The following FFAR4 variants were observed in gnomAD, a reference collection of about 807,000 sequenced individuals.
FFAR4 encodes free fatty acid receptor 4, also known as G-protein coupled receptor 120.
FFAR4 carries 19 observed loss-of-function variants against 27.0 expected under a neutral mutation model. The observed-to-expected ratio is 0.70, with a 90% confidence interval of 0.49 to 1.03. FFAR4 has a LOEUF of 1.03. Among genes scored for constraint, FFAR4 ranks in the 50% least tolerant of loss-of-function variants. The pLI is 0.00. For synonymous variants in FFAR4, 254 were observed against 215.6 expected (o/e 1.18, Z -1.56); for missense variants, 476 against 479.0 (o/e 0.99, Z 0.06).
rs1318752490 is a variant in FFAR4, at chr10:93,587,408, C to A, written c.885C>A (p.Asp295Glu). The change falls in exon 3 of 3, where the codon GAC (aspartate) becomes GAA (glutamate). Residue 295 changes from aspartate to glutamate, a missense_variant. Transcript: ENST00000371481. ...LLILIQNFKQ[D>E]LVIWPSLFFW... ...TCCTGATCCAGAACTTCAAGCAAGA[C>A]CTGGTCATCTGGCCGTCCCTCTTCT... The A allele has an allele frequency of 2.4e-5, 38 of 1,614,016 alleles. No homozygotes were observed. The highest frequency in any genetic ancestry group is 3.2e-5 in the Non-Finnish European group (38 of 1,179,972).
At chr10:93,585,679 G>T (rs1368716905) in intron 2 of FFAR4, among the ~76,000 whole-genome samples, 4 of 152,182 alleles carry the variant, frequency 2.6e-5, no homozygotes, top group African/African-American at 9.7e-5. Context: ...ATATGAGGTG[G>T]TTGCCCCCTT....
chr10:93,580,799 G>A (rs150328011), intron 2 of FFAR4, among the ~76,000 whole-genome samples: 1 of 152,336 alleles, frequency 6.6e-6, no homozygotes, highest in Non-Finnish European at 1.5e-5. Flanking sequence ...GCTGCTTCAT[G>A]TGCTTGGAGC....
At chr10:93,579,249 TAATTTACATTCCATCACC>T in intron 2 of FFAR4, 1 of 1,520,328 alleles carries the variant, frequency 6.6e-7, no homozygotes, top group Non-Finnish European at 9.1e-7. Context: ...AGCAAATATG[TAATTTACATTCCATCACC>T]ACCCTCACCT....
chr10:93,570,648 TC>T (rs1243543723), intron 1 of FFAR4, among the ~76,000 whole-genome samples: 1 of 152,170 alleles, frequency 6.6e-6, no homozygotes, highest in Non-Finnish European at 1.5e-5. Context: ...CCTTAGAGCT[TC>T]TGCCGACCCA....
chr10:93,566,811 G>C lies in FFAR4; in HGVS notation c.91G>C (p.Val31Leu), dbSNP rs749950930. The C allele has an allele frequency of 6.2e-7, 1 of 1,606,442 alleles. No individual in the cohort carries two copies. Among genetic ancestry groups the C allele is most frequent in the South Asian group, 1.1e-5 (1 of 90,280 alleles). ...NRTRFPFFSD[V>L]KGDHRLVLAA... The stretch of plus-strand genomic sequence containing the variant: ...CACCCGCTTTCCCTTCTTCTCCGAC[G>C]TCAAGGGCGACCACCGGCTGGTGCT... The change falls in exon 1 of 3, where the codon GTC becomes CTC. Residue 31 changes from valine to leucine, a missense_variant. Physicochemically the swap from Val to Leu is conservative, Grantham distance 32. Coordinates refer to ENST00000371481, the MANE Select transcript of FFAR4 (RefSeq NM_001195755.2).
chr10:93,582,761 G>A (rs955559666), intron 2 of FFAR4, among the ~76,000 whole-genome samples: 2 of 152,152 alleles, frequency 1.3e-5, no homozygotes, highest in Non-Finnish European at 2.9e-5. Flanking sequence ...AGAACTGCCT[G>A]AGACTGGGCA....
At position 93,567,299 on chromosome 10, in the gene FFAR4, T is replaced by G. The variant is rs368790541; in HGVS notation, c.567+12T>G. On this transcript the variant is annotated intron_variant, in intron 1 of 2. Transcript: ENST00000371481. Reference sequence around the variant, plus strand: ...CCGGCGCCGACCAGGTGAGCGCCCCTCTGTGTGTGCCGGGCAGGTGTCCTG... The same window carrying G: ...CCGGCGCCGACCAGGTGAGCGCCCCGCTGTGTGTGCCGGGCAGGTGTCCTG... 3.8e-6 allele frequency: 6 copies of G among 1,595,236 alleles called. No individual in the cohort carries two copies. In the African/African-American group the frequency reaches 6.7e-5, roughly 18 times the overall value.
At chr10:93,582,109 A>G (rs2058200774) in intron 2 of FFAR4, among the ~76,000 whole-genome samples, 1 of 152,218 alleles carries the variant, frequency 6.6e-6, no homozygotes, top group African/African-American at 2.4e-5. Context: ...ATCCTGGATC[A>G]ATGTTAATTA....
At chr10:93,583,767 A>T (rs2058212544) in intron 2 of FFAR4, among the ~76,000 whole-genome samples, 1 of 152,254 alleles carries the variant, frequency 6.6e-6, no homozygotes, top group Non-Finnish European at 1.5e-5. Flanking sequence ...GGATCATCAC[A>T]GTACATATGT....
rs1303995897 is a variant in FFAR4 at position 93,587,351 on chromosome 10, G to A, written c.828G>A (p.Met276Ile). Residue 276 changes from methionine to isoleucine, a missense_variant, in exon 3 of 3, where the codon ATG becomes ATA. By Grantham distance (10) the Met-to-Ile change is conservative. Transcript: ENST00000371481. ...LFLLMVSFFI[M>I]WSPIIITILL... Reference sequence around the variant, plus strand: ...TCCTCATGGTCTCCTTCTTCATCATGTGGAGCCCCATCATCATCACCATCC... The same window carrying A: ...TCCTCATGGTCTCCTTCTTCATCATATGGAGCCCCATCATCATCACCATCC... The A allele has an allele frequency of 1.2e-6, 2 of 1,614,000 alleles. No individual in the cohort carries two copies. Among genetic ancestry groups the A allele is most frequent in the Non-Finnish European group, 1.7e-6 (2 of 1,180,004 alleles).
At chr10:93,576,432 G>C (rs1004642175) in intron 2 of FFAR4, among the ~76,000 whole-genome samples, 1 of 152,042 alleles carries the variant, frequency 6.6e-6, no homozygotes, top group African/African-American at 2.4e-5. Flanking sequence ...AGTAATACTA[G>C]GTCATTACAA....
chr10:93,566,753 C>T lies in FFAR4; in HGVS notation c.33C>T (p.Asp11=), dbSNP rs1346213605. 1 of 1,603,236 alleles carries T rather than the reference C, an allele frequency of 6.2e-7. No individual in the cohort carries two copies. The highest frequency in any genetic ancestry group is 2.2e-5 in the East Asian group (1 of 44,628). MSPECARAAG[D]APLRSLEQAN... ...CTGAATGCGCGCGGGCAGCGGGCGA[C>T]GCGCCCTTGCGCAGCCTGGAGCAAG... The change falls in exon 1 of 3, where the codon GAC becomes GAT. Residue 11 remains aspartate (D), a synonymous_variant. Transcript: ENST00000371481.
Position 93,566,743 on chromosome 10 carries a change from C to T in FFAR4, c.23C>T (p.Ala8Val). Residue 8 changes from alanine (A) to valine (V), a missense_variant, in exon 1 of 3, where the codon GCA becomes GTA. Coordinates refer to ENST00000371481, the MANE Select transcript of FFAR4 (RefSeq NM_001195755.2). ...GGAATGTCCCCTGAATGCGCGCGGG[C>T]AGCGGGCGACGCGCCCTTGCGCAGC... MSPECAR[A>V]AGDAPLRSLE... 3.1e-6 allele frequency: 5 copies of T among 1,600,194 alleles called. No individual in the cohort carries two copies. The highest frequency in any genetic ancestry group is 4.3e-6 in the Non-Finnish European group (5 of 1,176,412).
intron 1 of FFAR4, among the ~76,000 whole-genome samples, chr10:93,573,132 C>T (rs1401765212): frequency 6.6e-6 from 1 of 152,180 alleles, no homozygotes; most frequent in East Asian, 1.9e-4. Context: ...CTTGTCCTGT[C>T]CTGAAGTGTC....
At chr10:93,568,855 C>T (rs1181997258) in intron 1 of FFAR4, among the ~76,000 whole-genome samples, 1 of 152,102 alleles carries the variant, frequency 6.6e-6, no homozygotes, top group Admixed American at 6.5e-5. Context: ...AGGCAGGAGC[C>T]CCATCAAGCC....
At chr10:93,585,828 C>T (rs1165756409) in intron 2 of FFAR4, among the ~76,000 whole-genome samples, 1 of 152,210 alleles carries the variant, frequency 6.6e-6, no homozygotes, top group East Asian at 1.9e-4. Context: ...CAGGTATGGG[C>T]AGACCCTTCC....
chr10:93,587,279 G>C lies in FFAR4; in HGVS notation c.756G>C (p.Gln252His), dbSNP rs41290216. The part of the protein sequence containing the change: ...TVSLAYSESH[Q>H]IRVSQQDFRL... ...GCCTGGCCTACTCGGAGAGCCACCA[G>C]ATCCGCGTGTCCCAGCAGGACTTCC... Residue 252 changes from glutamine to histidine, a missense_variant, in exon 3 of 3, where the codon CAG (glutamine) becomes CAC (histidine). Transcript: ENST00000371481. 4.1e-4 allele frequency: 659 copies of C among 1,614,168 alleles called. No homozygotes were observed. Among genetic ancestry groups the C allele is most frequent in the Non-Finnish European group, 5.1e-4 (601 of 1,180,020 alleles).
intron 2 of FFAR4, among the ~76,000 whole-genome samples, chr10:93,586,268 C>G (rs2058226452): frequency 6.6e-6 from 1 of 152,126 alleles, no homozygotes; most frequent in South Asian, 2.1e-4. Context: ...TTATAAGGGT[C>G]TCCCCCTTCG....
rs546931032 is a variant in FFAR4, at chr10:93,571,281, C to T, written c.567+3994C>T. On this transcript the variant is annotated intron_variant, in intron 1 of 2. Coordinates refer to ENST00000371481, the MANE Select transcript of FFAR4 (RefSeq NM_001195755.2). ...TGTCTATCCTGGCCAGAATGTGCTG[C>T]CCATTCATTCTGCAAACATTTACTA... is the stretch of plus-strand genomic sequence containing the variant. Among the ~76,000 whole-genome samples the T allele has an allele frequency of 3.9e-5, 6 of 152,238 alleles. No homozygotes were observed. The South Asian group carries it at 1.2e-3, about 32-fold the overall frequency.
Sources: gnomAD v4.1 joint callset for allele counts (sites outside exome capture counted in the v4.1 genomes callset) on GRCh38, gnomAD v4.1.1 for gene constraint, MANE v1.5 for transcripts, NCBI Gene and HGNC (gene_info 2026-07-23, HGNC 2026-07-21) for gene names.